MCPH1: variants seen among roughly 807,000 people sequenced by gnomAD.
MCPH1 encodes microcephalin 1, also known as microcephalin.
In MCPH1, 104 loss-of-function variants were observed where a neutral mutation model predicts 84.5. The ratio of observed to expected loss-of-function variants is 1.23; its 90% CI spans 1.05 to 1.45. MCPH1 has a LOEUF of 1.45. Among genes scored for constraint, MCPH1 ranks in the 40% most tolerant of loss-of-function variants. The pLI, the probability that MCPH1 is intolerant of heterozygous loss-of-function variation, is 0.00. For synonymous variants in MCPH1, 514 were observed against 366.8 expected (o/e 1.40, Z -4.58); for missense variants, 1,498 against 1,005.7 (o/e 1.49, Z -6.62).
At chr8:6,547,010 C>T (rs1265094612) in intron 12 of MCPH1, among the ~76,000 whole-genome samples, 1 of 152,144 alleles carries the variant, frequency 6.6e-6, no homozygotes, top group Non-Finnish European at 1.5e-5. Context: ...CCACGGTGTA[C>T]CTCGGAAGAA....
intron 9 of MCPH1, among the ~76,000 whole-genome samples, chr8:6,463,658 C>T (rs985689682): frequency 4.6e-5 from 7 of 152,084 alleles, no homozygotes; most frequent in African/African-American, 1.7e-4. Flanking sequence ...CAGCTAGGGG[C>T]AGGAGGAAAG....
At chr8:6,423,185 C>CT (rs374999485) in intron 3 of MCPH1, among the ~76,000 whole-genome samples, 13,819 of 110,450 alleles carry the variant, frequency 0.13, 1,522 homozygotes, top group Non-Finnish European at 0.19. Context: ...TTTTTCTTTT[C>CT]TTTTCTTTTT....
At position 6,419,434 on chromosome 8, in the gene MCPH1, C is replaced by T. The variant is rs565798985; in HGVS notation, c.233+4551C>T. Among the ~76,000 whole-genome samples the T allele has an allele frequency of 2.0e-4, 31 of 151,650 alleles. 1 individual carries two copies. The South Asian group carries it at 6.3e-3, about 31-fold the overall frequency. On this transcript the variant is annotated intron_variant, in intron 3 of 13. Coordinates refer to ENST00000344683, the MANE Select transcript of MCPH1 (RefSeq NM_024596.5). ...TTTCTTTTTGAGATGGAGTCTTGCT[C>T]TGTGGCCTAGTGCAGTGGCGCAATC...
At chr8:6,529,840 C>T (rs1819113380) in intron 12 of MCPH1, among the ~76,000 whole-genome samples, 1 of 150,938 alleles carries the variant, frequency 6.6e-6, no homozygotes, top group African/African-American at 2.4e-5. Context: ...TTCTTATTTT[C>T]CTGTTATCCT....
intron 12 of MCPH1, among the ~76,000 whole-genome samples, chr8:6,592,631 T>TG (rs1436592769): frequency 1.4e-5 from 2 of 140,682 alleles, no homozygotes; most frequent in African/African-American, 5.3e-5. Context: ...TTGTTTTTTT[T>TG]TTTTTTTTTT....
chr8:6,509,555 C>A, intron 12 of MCPH1, among the ~76,000 whole-genome samples: 1 of 152,092 alleles, frequency 6.6e-6, no homozygotes. Flanking sequence ...GAAAATAAAT[C>A]CTTGTGGCTA....
intron 3 of MCPH1, among the ~76,000 whole-genome samples, chr8:6,423,064 G>A (rs1048331019): frequency 2.6e-5 from 4 of 151,208 alleles, no homozygotes; most frequent in South Asian, 2.1e-4. Flanking sequence ...CAGGTGATCC[G>A]CCCACCTTGG....
At chr8:6,423,953 A>C (rs1274639923) in intron 3 of MCPH1, among the ~76,000 whole-genome samples, 2 of 152,184 alleles carry the variant, frequency 1.3e-5, no homozygotes, top group Admixed American at 6.5e-5. Context: ...TCAGCAGAGC[A>C]TAGAGATAAG....
chr8:6,477,564 T>A, intron 9 of MCPH1, 30 bp from the exon 10 acceptor site: 1 of 1,606,374 alleles, frequency 6.2e-7, no homozygotes, highest in Non-Finnish European at 8.5e-7. Flanking sequence ...TTTTGACTGT[T>A]TTTTGTTCCT....
At position 6,647,703 on chromosome 8, in the gene MCPH1, A is replaced by G. The variant is rs1185850352; in HGVS notation, c.*4654A>G. 1.3e-5 allele frequency: 2 copies of G among 152,230 alleles called. No homozygotes were observed. Among genetic ancestry groups the G allele is most frequent in the African/African-American group, 4.8e-5 (2 of 41,464 alleles). The allele number at this position is 152,230 out of a possible 1,614,324, so 9.4% of individuals were successfully genotyped here. On this transcript the variant is annotated 3_prime_UTR_variant, in exon 14 of 14. Transcript: ENST00000344683. Reference sequence around the variant, plus strand: ...GATTCCATTTAGATACCATTTCTACAAACCGCAAAACTGTAGAGGCACGAA... The same window carrying G: ...GATTCCATTTAGATACCATTTCTACGAACCGCAAAACTGTAGAGGCACGAA...
At position 6,439,101 on chromosome 8, in the gene MCPH1, G is replaced by A. The variant is rs1428070342; in HGVS notation, c.580+5G>A. The A allele has an allele frequency of 5.6e-6, 9 of 1,612,128 alleles. No homozygotes were observed. Among genetic ancestry groups the A allele is most frequent in the Admixed American group, 1.7e-5 (1 of 59,970 alleles). ...GGGAAAATCTTTCCCCCACCTGTAA[G>A]TAATTAGTTTGTAAAATGAAAATTA... On this transcript the variant is annotated splice_donor_5th_base_variant and intron_variant, in intron 6 of 13. Coordinates refer to ENST00000344683, the MANE Select transcript of MCPH1 (RefSeq NM_024596.5).
At chr8:6,508,896 G>T (rs769783570) in intron 12 of MCPH1, 5 of 1,613,494 alleles carry the variant, frequency 3.1e-6, no homozygotes, top group Non-Finnish European at 4.2e-6. Context: ...ATCATTCCTT[G>T]CCAATACAAA....
Position 6,646,402 on chromosome 8 carries a change from G to A in MCPH1, c.*3353G>A, listed in dbSNP as rs1235505571. 1 of 152,166 alleles carries A rather than the reference G, an allele frequency of 6.6e-6. No individual in the cohort carries two copies. Among genetic ancestry groups the A allele is most frequent in the Non-Finnish European group, 1.5e-5 (1 of 68,024 alleles). 9.4% of individuals were successfully genotyped at this position (152,166 alleles called of 1,614,324 possible). On this transcript the variant is annotated 3_prime_UTR_variant, in exon 14 of 14. Coordinates refer to ENST00000344683, the MANE Select transcript of MCPH1 (RefSeq NM_024596.5). The stretch of plus-strand genomic sequence containing the variant: ...GAACAAAAGTATCACATTGGCATAA[G>A]AATAGACATGTAAATCAAATAACAA...
intron 4 of MCPH1, 34 bp downstream of exon 4, chr8:6,431,620 T>A (rs761680766): frequency 7.4e-7 from 1 of 1,360,540 alleles, no homozygotes; most frequent in East Asian, 2.3e-5. Flanking sequence ...ATAATGGCAA[T>A]TAGGAATTTA....
At chr8:6,446,965 G>A in intron 8 of MCPH1, 2 of 985,416 alleles carry the variant, frequency 2.0e-6, no homozygotes, top group Non-Finnish European at 2.4e-6. Context: ...CCCTGGTGGG[G>A]ACGGAGAGGT....
chr8:6,528,590 G>T (rs550519290), intron 12 of MCPH1, among the ~76,000 whole-genome samples: 17 of 152,318 alleles, frequency 1.1e-4, no homozygotes, highest in Non-Finnish European at 2.4e-4. Context: ...CAGCCTTGCC[G>T]TGCGGGCCTT....
At chr8:6,466,042 C>T (rs956881099) in intron 9 of MCPH1, among the ~76,000 whole-genome samples, 4 of 151,982 alleles carry the variant, frequency 2.6e-5, no homozygotes, top group Non-Finnish European at 5.9e-5. Context: ...GCAACCTCTG[C>T]CTCCCCAGTT....
chr8:6,551,522 T>G (rs1293951163), intron 12 of MCPH1, among the ~76,000 whole-genome samples: 3 of 152,178 alleles, frequency 2.0e-5, no homozygotes, highest in Non-Finnish European at 4.4e-5. Context: ...AAATCACCAG[T>G]TGTTGTTTGA....
intron 2 of MCPH1, among the ~76,000 whole-genome samples, chr8:6,410,294 C>T (rs997417240): frequency 6.6e-6 from 1 of 151,814 alleles, no homozygotes; most frequent in Non-Finnish European, 1.5e-5. Flanking sequence ...TTTTAATTGC[C>T]TTTCAGAACT....
Sources: allele counts gnomAD v4.1 joint callset (sites outside exome capture counted in the v4.1 genomes callset), GRCh38; gene constraint gnomAD v4.1.1; transcripts MANE v1.5; gene names NCBI Gene and HGNC (gene_info 2026-07-23, HGNC 2026-07-21).